Variants in TNNI1 observed in about 807,000 individuals in gnomAD.
TNNI1 encodes troponin I1, slow skeletal type, also known as troponin I, slow skeletal muscle.
In TNNI1, 14 loss-of-function variants were observed where a neutral mutation model predicts 26.7. The ratio of observed to expected loss-of-function variants is 0.52; its 90% CI spans 0.35 to 0.82. The LOEUF (loss-of-function observed/expected upper bound fraction) is 0.82, where lower values mean the gene tolerates loss of function less well. Among genes scored for constraint, TNNI1 ranks in the 40% least tolerant of loss-of-function variants. The pLI is 0.01. For missense variants in TNNI1, 164 were observed against 257.0 expected (o/e 0.64, Z 2.47); for synonymous variants, 79 against 98.2 (o/e 0.80, Z 1.16).
intron 3 of TNNI1, 33 bp from the exon 4 acceptor site, chr1:201,415,287 AG>A: frequency 6.2e-7 from 1 of 1,612,294 alleles, no homozygotes; most frequent in Non-Finnish European, 8.5e-7. Flanking sequence ...ACAGGTGGTG[AG>A]GCAGAGGCTG....
chr1:201,420,403 A>G (rs1203218916), intron 1 of TNNI1, among the ~76,000 whole-genome samples: 2 of 152,114 alleles, frequency 1.3e-5, no homozygotes, highest in Non-Finnish European at 2.9e-5. Flanking sequence ...TACAAGTAGC[A>G]AGCAAGGAGA....
rs1237956154 is a variant in TNNI1, at chr1:201,408,969, C to T, written c.*284G>A. 6.6e-6 allele frequency: 1 copy of T among 152,214 alleles called. No homozygotes were observed. The highest frequency in any genetic ancestry group is 1.5e-5 in the Non-Finnish European group (1 of 68,078). 9.4% of individuals were successfully genotyped at this position (152,214 alleles called of 1,614,324 possible). On this transcript the variant is annotated 3_prime_UTR_variant, in exon 9 of 9. Coordinates refer to ENST00000361379, the MANE Select transcript of TNNI1 (RefSeq NM_003281.4). ...TGGAGGAAAGGTGTTCTCACCCCCT[C>T]CTCCTCCTCCACTTGTTACACCACG... is the stretch of plus-strand genomic sequence containing the variant.
intron 1 of TNNI1, among the ~76,000 whole-genome samples, chr1:201,419,854 G>A (rs1662824390): frequency 6.6e-6 from 1 of 152,216 alleles, no homozygotes; most frequent in African/African-American, 2.4e-5. Context: ...CACAGAGGGA[G>A]GGGTATGGAG....
intron 6 of TNNI1, among the ~76,000 whole-genome samples, chr1:201,412,477 C>T (rs1170377746): frequency 2.0e-5 from 3 of 152,190 alleles, no homozygotes; most frequent in Admixed American, 6.5e-5. Flanking sequence ...TCCTTCTCTG[C>T]TCTGCCCCTC....
intron 5 of TNNI1, 72 bp from the exon 6 acceptor site, chr1:201,413,193 C>T: frequency 6.4e-7 from 1 of 1,554,694 alleles, no homozygotes; most frequent in Non-Finnish European, 8.8e-7. Flanking sequence ...AGCCCTTGAC[C>T]CTCTCCCCAG....
intron 1 of TNNI1, among the ~76,000 whole-genome samples, chr1:201,418,946 C>A (rs1397030687): frequency 1.3e-5 from 2 of 152,044 alleles, no homozygotes; most frequent in Non-Finnish European, 2.9e-5. Flanking sequence ...TCAGTAAAAG[C>A]AAAATGGCAT....
At chr1:201,415,164 C>G in intron 4 of TNNI1, 49 bp downstream of exon 4, 1 of 1,518,094 alleles carries the variant, frequency 6.6e-7, no homozygotes, top group Non-Finnish European at 9.1e-7. Context: ...GCTCTGCTGC[C>G]CCTCTGCCTC....
In TNNI1 at chr1:201,407,895, T is replaced by C. The variant is rs1397079046; in HGVS notation, c.*1358A>G. On this transcript the variant is annotated 3_prime_UTR_variant, in exon 9 of 9. Coordinates refer to ENST00000361379, the MANE Select transcript of TNNI1 (RefSeq NM_003281.4). ...CTGTCTCTACTAAAAATACAAAAAT[T>C]AGCGGGGTGTGGTGGCACGCACCTG... is the stretch of plus-strand genomic sequence containing the variant. The C allele has an allele frequency of 1.3e-5, 2 of 151,818 alleles. No individual in the cohort carries two copies. Among genetic ancestry groups the C allele is most frequent in the East Asian group, 1.9e-4 (1 of 5,174 alleles). The allele number at this position is 151,818 out of a possible 1,614,324, so 9.4% of individuals were successfully genotyped here.
Position 201,406,153 on chromosome 1 carries a change from G to C in TNNI1, c.*3100C>G, listed in dbSNP as rs1662510730. 2 of 152,344 alleles carry C rather than the reference G, an allele frequency of 1.3e-5. No individual in the cohort carries two copies. The highest frequency in any genetic ancestry group is 3.4e-3 in the Middle Eastern group (1 of 294). The allele number at this position is 152,344 out of a possible 1,614,324, so 9.4% of individuals were successfully genotyped here. On this transcript the variant is annotated 3_prime_UTR_variant, in exon 9 of 9. Transcript: ENST00000361379. ...TGATCTCAGAAAAGGGCAACCCCAA[G>C]GCAGAGTGACCTGAGATCTAGTCTC...
intron 1 of TNNI1, among the ~76,000 whole-genome samples, chr1:201,418,955 A>AT (rs1018601689): frequency 7.2e-5 from 11 of 152,286 alleles, no homozygotes; most frequent in African/African-American, 2.2e-4. Flanking sequence ...GCAAAATGGC[A>AT]TTTTGCCTAT....
At position 201,417,810 on chromosome 1, in the gene TNNI1, C is replaced by T. The variant is rs370377425; in HGVS notation, c.-17G>A. ...TTCCGGCATGGTGGCAGTGAGACAG[C>T]ACCTAGGGGGCACAGAGGAATCATT... On this transcript the variant is annotated splice_region_variant and 5_prime_UTR_variant, in exon 2 of 9. Coordinates refer to ENST00000361379, the MANE Select transcript of TNNI1 (RefSeq NM_003281.4). 1.5e-6 allele frequency: 2 copies of T among 1,313,270 alleles called. No individual in the cohort carries two copies. The highest frequency in any genetic ancestry group is 2.0e-6 in the Non-Finnish European group (2 of 1,021,952). The allele number at this position is 1,313,270 out of a possible 1,614,324, so 81.4% of individuals were successfully genotyped here.
At chr1:201,419,841 G>A (rs1030111635) in intron 1 of TNNI1, among the ~76,000 whole-genome samples, 12 of 152,172 alleles carry the variant, frequency 7.9e-5, no homozygotes, top group African/African-American at 2.9e-4. Flanking sequence ...TGTCATGCTG[G>A]GGCACAGAGG....
intron 1 of TNNI1, among the ~76,000 whole-genome samples, chr1:201,420,875 C>G (rs368163176): frequency 1.3e-5 from 2 of 152,320 alleles, no homozygotes; most frequent in African/African-American, 4.8e-5. Context: ...CTTCAGCCCC[C>G]ACCTGAGTCA....
intron 4 of TNNI1, 96 bp from the exon 5 acceptor site, chr1:201,414,745 G>A (rs147513700): frequency 1.5e-4 from 241 of 1,556,780 alleles, no homozygotes; most frequent in Non-Finnish European, 1.9e-4. Flanking sequence ...CCAACTCTGA[G>A]ACCACTGTCC....
intron 5 of TNNI1, among the ~76,000 whole-genome samples, chr1:201,413,956 C>CA (rs1363438680): frequency 6.6e-6 from 1 of 152,104 alleles, no homozygotes; most frequent in African/African-American, 2.4e-5. Flanking sequence ...CTGTGCCCAG[C>CA]AAAATAAAAT....
Position 201,405,154 on chromosome 1 carries a change from A to G in TNNI1, c.*4099T>C, listed in dbSNP as rs1430799794. ...CCCTGTCCACATCCAATTTCCTCAG[A>G]CTGGGAGTCTGGGGACCTACTTCCT... On this transcript the variant is annotated 3_prime_UTR_variant, in exon 9 of 9. Transcript: ENST00000361379. The G allele has an allele frequency of 6.6e-6, 1 of 152,322 alleles. No homozygotes were observed. The highest frequency in any genetic ancestry group is 2.4e-5 in the African/African-American group (1 of 41,446). The allele number at this position is 152,322 out of a possible 1,614,324, so 9.4% of individuals were successfully genotyped here. A position where few individuals can be genotyped will look rare whatever the true frequency, so the allele number is the denominator to read the frequency against.
At position 201,406,895 on chromosome 1, in the gene TNNI1, C is replaced by T. The variant is rs147954152; in HGVS notation, c.*2358G>A. The T allele has an allele frequency of 6.6e-6, 1 of 152,456 alleles. No individual in the cohort carries two copies. The highest frequency in any genetic ancestry group is 1.5e-5 in the Non-Finnish European group (1 of 68,106). The allele number at this position is 152,456 out of a possible 1,614,324, so 9.4% of individuals were successfully genotyped here. ...GAGGAACCCGATGACCTCCAGGAAC[C>T]CTCTGGTTGGCTCTTCTGCCCCTCC... On this transcript the variant is annotated 3_prime_UTR_variant, in exon 9 of 9. Coordinates refer to ENST00000361379, the MANE Select transcript of TNNI1 (RefSeq NM_003281.4).
At chr1:201,414,476 A>G (rs1018322707) in intron 5 of TNNI1, 42 bp downstream of exon 5, 2 of 1,487,034 alleles carry the variant, frequency 1.3e-6, no homozygotes, top group Non-Finnish European at 1.8e-6. Flanking sequence ...CCCACACAGC[A>G]CCTCCAGCCC....
At chr1:201,416,690 T>C (rs1256651581) in intron 3 of TNNI1, among the ~76,000 whole-genome samples, 2 of 152,222 alleles carry the variant, frequency 1.3e-5, no homozygotes, top group Non-Finnish European at 1.5e-5. Context: ...TGTTCAGCCA[T>C]TGGGCAAGGG....
Sources: gnomAD v4.1 joint callset for allele counts (sites outside exome capture counted in the v4.1 genomes callset) on GRCh38, gnomAD v4.1.1 for gene constraint, MANE v1.5 for transcripts, NCBI Gene and HGNC (gene_info 2026-07-23, HGNC 2026-07-21) for gene names.